ARID1B: variants seen among roughly 807,000 people sequenced by gnomAD.
The protein encoded by ARID1B is AT-rich interaction domain 1B.
In ARID1B, 30 loss-of-function variants were observed where a neutral mutation model predicts 212.3. That is an observed-to-expected ratio of 0.14 (90% CI 0.11 to 0.19). The LOEUF (loss-of-function observed/expected upper bound fraction) is 0.19. Ranked by LOEUF, ARID1B falls within the 10% of genes least tolerant of loss-of-function variation. ARID1B has a pLI of 1.00. For synonymous variants in ARID1B, 1,402 were observed against 1,301.7 expected (o/e 1.08, Z -1.66); for missense variants, 2,891 against 3,204.0 (o/e 0.90, Z 2.36).
At position 156,778,249 on chromosome 6, in the gene ARID1B, A is replaced by AGCAGCAGCTAAACCAGTT; in HGVS notation, c.570_587dup (p.Gln195_Phe196insLeuGlnGlnLeuAsnGln). On this transcript the variant is annotated inframe_insertion, in exon 1 of 20. Coordinates refer to ENST00000636930, the MANE Select transcript of ARID1B (RefSeq NM_001374828.1). ...CACCTCCACCACCACCACGCACTAC[A>AGCAGCAGCTAAACCAGTT]GCAGCAGCTAAACCAGTTCCAGCAG... is the stretch of plus-strand genomic sequence containing the variant. 1 of 1,542,166 alleles carries AGCAGCAGCTAAACCAGTT rather than the reference A, an allele frequency of 6.5e-7. No individual in the cohort carries two copies. Among genetic ancestry groups the AGCAGCAGCTAAACCAGTT allele is most frequent in the Non-Finnish European group, 8.7e-7 (1 of 1,146,598 alleles).
At chr6:157,035,122 T>G (rs1325493348) in intron 4 of ARID1B, among the ~76,000 whole-genome samples, 4 of 152,236 alleles carry the variant, frequency 2.6e-5, no homozygotes, top group Non-Finnish European at 5.9e-5. Flanking sequence ...GTCAAATATA[T>G]TAAAGCCTTA....
intron 12 of ARID1B, among the ~76,000 whole-genome samples, chr6:157,183,918 G>A (rs28385577): frequency 0.21 from 32,036 of 152,114 alleles, 3,881 homozygotes; most frequent in Middle Eastern, 0.31. Flanking sequence ...AAATAGTGCC[G>A]TTGTTGCTTT....
intron 4 of ARID1B, among the ~76,000 whole-genome samples, chr6:157,002,913 G>C (rs1368243499): frequency 6.6e-6 from 1 of 152,198 alleles, no homozygotes; most frequent in Non-Finnish European, 1.5e-5. Flanking sequence ...TTGAAGGACA[G>C]TAGCCAGGCA....
intron 6 of ARID1B, 58 bp from the exon 7 acceptor site, chr6:157,132,970 T>C: frequency 1.3e-6 from 2 of 1,525,936 alleles, no homozygotes; most frequent in Middle Eastern, 1.8e-4. Flanking sequence ...TCCATTTTTA[T>C]GTATGCAGAG....
At chr6:156,986,798 G>A (rs186624783) in intron 4 of ARID1B, among the ~76,000 whole-genome samples, 2 of 152,240 alleles carry the variant, frequency 1.3e-5, no homozygotes, top group South Asian at 2.1e-4. Context: ...CAGCATAATG[G>A]TAGTAAAGTG....
At chr6:156,782,079 T>A (rs2115054751) in intron 1 of ARID1B, among the ~76,000 whole-genome samples, 1 of 148,420 alleles carries the variant, frequency 6.7e-6, no homozygotes, top group African/African-American at 2.5e-5. Context: ...GTGTAACATG[T>A]GGAATGTGTC....
chr6:156,841,298 A>G (rs930134463), intron 2 of ARID1B, among the ~76,000 whole-genome samples: 3 of 150,928 alleles, frequency 2.0e-5, no homozygotes, highest in Middle Eastern at 3.4e-3. Context: ...ATCGTAGCCC[A>G]TTTCCAAAGC....
At chr6:157,087,064 C>T (rs1785009578) in intron 5 of ARID1B, among the ~76,000 whole-genome samples, 1 of 152,136 alleles carries the variant, frequency 6.6e-6, no homozygotes, top group African/African-American at 2.4e-5. Flanking sequence ...TGTACTATTC[C>T]AAGTCAGCTC....
chr6:157,100,747 T>C (rs1408661169), intron 5 of ARID1B, among the ~76,000 whole-genome samples: 2 of 152,222 alleles, frequency 1.3e-5, no homozygotes, highest in African/African-American at 2.4e-5. Flanking sequence ...TCTTACTAAC[T>C]GAGATAAGAT....
Position 156,810,613 on chromosome 6 carries a change from T to C in ARID1B, c.1792-18614T>C, listed in dbSNP as rs149726919. 8.9e-3 allele frequency among the ~76,000 whole-genome samples: 1,354 copies of C among 152,334 alleles called. 18 individuals are homozygous for C. Among genetic ancestry groups the C allele is most frequent in the Non-Finnish European group, 9.5e-3 (643 of 68,032 alleles). On this transcript the variant is annotated intron_variant, in intron 1 of 19. Coordinates refer to ENST00000636930, the MANE Select transcript of ARID1B (RefSeq NM_001374828.1). ...GGTTTCCTCAGGGGTCTCTGATCTC[T>C]TGATCATTTTCATTTTGCCTGGTGG... is the stretch of plus-strand genomic sequence containing the variant.
chr6:156,816,257 A>G (rs1336507262), intron 1 of ARID1B, among the ~76,000 whole-genome samples: 1 of 152,244 alleles, frequency 6.6e-6, no homozygotes. Flanking sequence ...GTTATAAGTC[A>G]GACAGCATAT....
At chr6:156,884,203 T>C (rs1271314983) in intron 2 of ARID1B, among the ~76,000 whole-genome samples, 5 of 152,254 alleles carry the variant, frequency 3.3e-5, no homozygotes, top group Admixed American at 1.3e-4. Flanking sequence ...ACATAAAATA[T>C]GTTTCTTCCT....
At chr6:157,151,547 T>A (rs1229628546) in intron 8 of ARID1B, 1 of 152,242 alleles carries the variant, frequency 6.6e-6, no homozygotes, top group Non-Finnish European at 1.5e-5. Context: ...TATTCTCAAT[T>A]TCAACACAGG....
At chr6:156,803,767 T>C (rs1780955310) in intron 1 of ARID1B, among the ~76,000 whole-genome samples, 1 of 152,138 alleles carries the variant, frequency 6.6e-6, no homozygotes, top group African/African-American at 2.4e-5. Flanking sequence ...AGATTTTTCC[T>C]GGGTGTCTGT....
intron 1 of ARID1B, among the ~76,000 whole-genome samples, chr6:156,815,480 C>T (rs1781899737): frequency 6.6e-6 from 1 of 152,160 alleles, no homozygotes; most frequent in African/African-American, 2.4e-5. Flanking sequence ...TTTCTCCCCA[C>T]ACCCATTTTT....
chr6:157,113,340 T>C (rs1787072689), intron 6 of ARID1B, among the ~76,000 whole-genome samples: 1 of 152,224 alleles, frequency 6.6e-6, no homozygotes, highest in Non-Finnish European at 1.5e-5. Context: ...ATTATATTGT[T>C]ATAGTTTGTT....
rs1794548648 is a variant in ARID1B at position 157,207,364 on chromosome 6, G to A, written c.6592G>A (p.Val2198Ile). Residue 2198 changes from valine (V) to isoleucine (I), a missense_variant, in exon 20 of 20, where the codon GTC becomes ATC. Around this residue, in one of 7 missense-constraint regions of ARID1B, gnomAD observed 187 missense variants for 306.5 expected, o/e 0.61. Transcript: ENST00000636930. This position sits in a 1 kb window ranked among gnomAD's most constrained non-coding sequence, Gnocchi z 8.5. ...DPFPTVGPNSVLSPQRLVLET... is the reference protein window; with the variant it reads ...DPFPTVGPNSILSPQRLVLET... ...CTTTCCAACTGTGGGACCCAACTCG[G>A]TCCTGTCGCCTCAGAGACTTGTGCT... 12 of 1,614,170 alleles carry A rather than the reference G, an allele frequency of 7.4e-6. No individual in the cohort carries two copies. The highest frequency in any genetic ancestry group is 2.2e-5 in the South Asian group (2 of 91,078).
At chr6:157,046,884 A>G (rs1213349469) in intron 4 of ARID1B, among the ~76,000 whole-genome samples, 2 of 152,106 alleles carry the variant, frequency 1.3e-5, no homozygotes, top group Admixed American at 6.5e-5. Flanking sequence ...TTTTTTTCAC[A>G]ATGAAAAAGG....
Position 157,147,194 on chromosome 6 carries a change from C to A in ARID1B, c.2762-1430C>A, listed in dbSNP as rs533995987. 6.0e-5 allele frequency among the ~76,000 whole-genome samples: 9 copies of A among 151,016 alleles called. No individual in the cohort carries two copies. The East Asian group carries it at 1.6e-3, about 26-fold the overall frequency. ...GAAAGGGAAAACAACTGCCATCCCT[C>A]ACCCCCGCCTCCGGCCCTGCCCTCC... On this transcript the variant is annotated intron_variant, in intron 7 of 19. Transcript: ENST00000636930.
Sources: allele counts gnomAD v4.1 joint callset (sites outside exome capture counted in the v4.1 genomes callset), GRCh38; gene constraint gnomAD v4.1.1; regional missense constraint gnomAD v4.1.1; non-coding constraint Gnocchi (gnomAD v3.1); transcripts MANE v1.5; gene names NCBI Gene and HGNC (gene_info 2026-07-23, HGNC 2026-07-21).